DNAAF11: variants seen among roughly 807,000 people sequenced by gnomAD.
DNAAF11 encodes the protein leucine rich repeat containing 6.
A neutral mutation model predicts 60.8 loss-of-function variants in DNAAF11; 45 were observed. That is an observed-to-expected ratio of 0.74 (90% CI 0.58 to 0.95). The LOEUF is 0.95. DNAAF11 is among the 40% of genes least tolerant of loss of function. DNAAF11 has a pLI of 0.00. For missense variants in DNAAF11, 546 were observed against 546.2 expected (o/e 1.00, Z 0.00); for synonymous variants, 191 against 183.5 (o/e 1.04, Z -0.33).
chr8:132,682,379 G>C, the DNAAF11 span, among the ~76,000 whole-genome samples: 1 of 152,182 alleles, frequency 6.6e-6, no homozygotes, highest in Non-Finnish European at 1.5e-5. Flanking sequence ...CATCAGTGAT[G>C]CTGTCTTGGA....
intron 10 of DNAAF11, among the ~76,000 whole-genome samples, chr8:132,587,641 T>C (rs768101864): frequency 5.3e-5 from 8 of 152,180 alleles, no homozygotes; most frequent in Non-Finnish European, 7.3e-5. Flanking sequence ...GAATGACTAA[T>C]GGAAAAGTTG....
intron 10 of DNAAF11, among the ~76,000 whole-genome samples, chr8:132,600,504 C>T (rs1233724711): frequency 9.2e-5 from 14 of 152,158 alleles, no homozygotes; most frequent in Admixed American, 4.6e-4. Flanking sequence ...GGAGGCATCA[C>T]GCTACCTGAC....
chr8:132,606,480 A>G (rs1261422008), intron 10 of DNAAF11, among the ~76,000 whole-genome samples: 1 of 152,086 alleles, frequency 6.6e-6, no homozygotes, highest in Non-Finnish European at 1.5e-5. Context: ...ATATTAAACT[A>G]TTTTTATTTT....
intron 1 of DNAAF11, among the ~76,000 whole-genome samples, chr8:132,668,274 C>T (rs905877493): frequency 3.3e-5 from 5 of 152,194 alleles, no homozygotes; most frequent in Admixed American, 2.0e-4. Flanking sequence ...TACTATATCC[C>T]AATCTAGTGA....
rs879810400 is a variant in DNAAF11 at position 132,632,027 on chromosome 8, TA to T, written c.653+712del. Reference sequence around the variant, plus strand: ...ACTTAAAGTATAATTTAAAAAAAAGTAAAAAAAAAAAAGATCCAAAGCAAAC... The same window carrying T: ...ACTTAAAGTATAATTTAAAAAAAAGTAAAAAAAAAAAGATCCAAAGCAAAC... On this transcript the variant is annotated intron_variant, in intron 5 of 11. Transcript: ENST00000620350. Among the ~76,000 whole-genome samples, 628 of 140,424 alleles carry T rather than the reference TA, an allele frequency of 4.5e-3. 2 individuals carry two copies. Among genetic ancestry groups the T allele is most frequent in the African/African-American group, 0.012 (456 of 38,468 alleles). 92.1% of individuals were successfully genotyped at this position (140,424 alleles called of 152,430 possible). A position where few individuals can be genotyped will look rare whatever the true frequency, so the allele number is the denominator to read the frequency against.
chr8:132,636,924 G>A (rs931672651), intron 4 of DNAAF11, among the ~76,000 whole-genome samples: 2 of 152,126 alleles, frequency 1.3e-5, no homozygotes, highest in Admixed American at 1.3e-4. Flanking sequence ...AGAAACAAAC[G>A]TCCTTTGAGA....
At chr8:132,575,300 C>T (rs1002779231) in intron 11 of DNAAF11, among the ~76,000 whole-genome samples, 12 of 152,108 alleles carry the variant, frequency 7.9e-5, no homozygotes, top group African/African-American at 4.8e-5. Context: ...ATGTAAAGGA[C>T]GTAGAGAAGT....
chr8:132,661,315 C>T (rs944505927), intron 2 of DNAAF11, 145 bp downstream of exon 2: 6 of 672,946 alleles, frequency 8.9e-6, no homozygotes, highest in South Asian at 8.1e-5. Flanking sequence ...AAACGCCCCC[C>T]ACACAACCAC....
At chr8:132,651,149 C>A in intron 3 of DNAAF11, among the ~76,000 whole-genome samples, 1 of 152,114 alleles carries the variant, frequency 6.6e-6, no homozygotes, top group East Asian at 1.9e-4. Flanking sequence ...ATCACCAACA[C>A]TGACTGCCAA....
chr8:132,596,420 G>A (rs1817023628), intron 10 of DNAAF11, among the ~76,000 whole-genome samples: 1 of 152,122 alleles, frequency 6.6e-6, no homozygotes, highest in African/African-American at 2.4e-5. Context: ...CCCCATAGAA[G>A]ATCATCCACA....
At chr8:132,656,974 T>G (rs1042598024) in intron 2 of DNAAF11, 67 bp from the exon 3 acceptor site, 4 of 566,892 alleles carry the variant, frequency 7.1e-6, no homozygotes, top group African/African-American at 6.0e-5. Flanking sequence ...ATGTAATCTA[T>G]TACTAAAATA....
rs1171224294 is a variant in DNAAF11 at position 132,583,676 on chromosome 8, A to T, written c.1226+18T>A. ...AGAACAATATAATACAGCTAAGGACAGTCTGGGAGGGTGGTACCTTGTATT... is the reference window on the plus strand; with the variant it reads ...AGAACAATATAATACAGCTAAGGACTGTCTGGGAGGGTGGTACCTTGTATT... On this transcript the variant is annotated intron_variant, in intron 11 of 11. Coordinates refer to ENST00000620350, the MANE Select transcript of DNAAF11 (RefSeq NM_012472.6). 6.3e-7 allele frequency: 1 copy of T among 1,597,244 alleles called. No homozygotes were observed. The highest frequency in any genetic ancestry group is 8.6e-7 in the Non-Finnish European group (1 of 1,164,846).
At chr8:132,626,024 C>T (rs1350393779) in intron 5 of DNAAF11, among the ~76,000 whole-genome samples, 2 of 151,956 alleles carry the variant, frequency 1.3e-5, no homozygotes, top group African/African-American at 2.4e-5. Context: ...CTCCAAAATT[C>T]GCTTGTGGGA....
chr8:132,677,159 A>G (rs927969897), upstream of DNAAF11, among the ~76,000 whole-genome samples: 2 of 152,194 alleles, frequency 1.3e-5, no homozygotes, highest in Admixed American at 1.3e-4. Context: ...ATGTCTGATT[A>G]CTCACAAAGG....
chr8:132,667,668 A>C (rs1313435735), intron 1 of DNAAF11, among the ~76,000 whole-genome samples: 1 of 152,222 alleles, frequency 6.6e-6, no homozygotes, highest in Non-Finnish European at 1.5e-5. Flanking sequence ...GGATATTGAC[A>C]GCTTCAACCA....
chr8:132,658,433 C>T (rs1823796597), intron 2 of DNAAF11, among the ~76,000 whole-genome samples: 1 of 152,172 alleles, frequency 6.6e-6, no homozygotes, highest in Non-Finnish European at 1.5e-5. Flanking sequence ...CACCATTCTC[C>T]TGCCTCAGCC....
the DNAAF11 span, among the ~76,000 whole-genome samples, chr8:132,688,860 A>G: frequency 1.3e-5 from 2 of 152,206 alleles, no homozygotes; most frequent in Admixed American, 1.3e-4. Context: ...CAGATCCCTT[A>G]TTAATATACT....
Position 132,629,579 on chromosome 8 carries a change from C to T in DNAAF11, c.653+3161G>A, listed in dbSNP as rs573600711. Among the ~76,000 whole-genome samples the T allele has an allele frequency of 3.4e-4, 51 of 152,170 alleles. 1 individual carries two copies. Among genetic ancestry groups the T allele is most frequent in the South Asian group, 2.1e-4 (1 of 4,820 alleles). On this transcript the variant is annotated intron_variant, in intron 5 of 11. Coordinates refer to ENST00000620350, the MANE Select transcript of DNAAF11 (RefSeq NM_012472.6). ...AGCCAGGATGGTCTCAATCTCCTGA[C>T]CTCGTGATCCGCCCATCTCAGCCTC... is the stretch of plus-strand genomic sequence containing the variant.
At chr8:132,648,087 T>G (rs1183965462) in intron 3 of DNAAF11, among the ~76,000 whole-genome samples, 3 of 152,076 alleles carry the variant, frequency 2.0e-5, no homozygotes, top group Admixed American at 6.5e-5. Flanking sequence ...TATCCTTGAT[T>G]AATATCGATG....
Sources: gnomAD v4.1 joint callset for allele counts (sites outside exome capture counted in the v4.1 genomes callset) on GRCh38, gnomAD v4.1.1 for gene constraint, MANE v1.5 for transcripts, NCBI Gene and HGNC (gene_info 2026-07-23, HGNC 2026-07-21) for gene names.